KATNIP: variants seen among roughly 807,000 people sequenced by gnomAD.
The protein encoded by KATNIP is katanin interacting protein, also known as katanin-interacting protein.
A neutral mutation model predicts 174.0 loss-of-function variants in KATNIP; 126 were observed. That is an observed-to-expected ratio of 0.72 (90% CI 0.63 to 0.84). KATNIP has a LOEUF of 0.84. Ranked by LOEUF, KATNIP falls within the 40% of genes least tolerant of loss-of-function variation. KATNIP has a pLI of 0.00. For synonymous variants in KATNIP, 810 were observed against 835.7 expected (o/e 0.97, Z 0.53); for missense variants, 1,958 against 2,109.7 (o/e 0.93, Z 1.41).
In KATNIP at chr16:27,778,922, C is replaced by T; in HGVS notation, c.*293C>T. The stretch of plus-strand genomic sequence containing the variant: ...GACCCAGCAAAGCAGGGCCCATGAC[C>T]ACTAGGGCCTGGGCTGACCCTGACT... On this transcript the variant is annotated 3_prime_UTR_variant, in exon 28 of 28. Transcript: ENST00000261588. The T allele has an allele frequency of 5.3e-6, 2 of 379,996 alleles. No individual in the cohort carries two copies. The highest frequency in any genetic ancestry group is 9.4e-6 in the Non-Finnish European group (2 of 212,458). The allele number at this position is 379,996 out of a possible 1,614,324, so 23.5% of individuals were successfully genotyped here. A position where few individuals can be genotyped will look rare whatever the true frequency, so the allele number is the denominator to read the frequency against.
At chr16:27,602,588 A>G (rs985673481) in intron 2 of KATNIP, among the ~76,000 whole-genome samples, 4 of 152,246 alleles carry the variant, frequency 2.6e-5, no homozygotes, top group African/African-American at 9.6e-5. Flanking sequence ...GACTTCAAAC[A>G]GAAACAGAGT....
intron 6 of KATNIP, among the ~76,000 whole-genome samples, chr16:27,659,727 A>G (rs2077410146): frequency 6.6e-6 from 1 of 152,142 alleles, no homozygotes; most frequent in Admixed American, 6.6e-5. Flanking sequence ...GTATGACTTG[A>G]AAAAATATGC....
chr16:27,724,175 C>G (rs547326578), intron 14 of KATNIP, among the ~76,000 whole-genome samples: 32 of 152,212 alleles, frequency 2.1e-4, no homozygotes, highest in African/African-American at 7.0e-4. Flanking sequence ...CCTCAGACCC[C>G]GGAATGCAGC....
intron 15 of KATNIP, among the ~76,000 whole-genome samples, chr16:27,745,943 G>T (rs948507242): frequency 2.7e-5 from 4 of 149,910 alleles, no homozygotes; most frequent in African/African-American, 7.4e-5. Flanking sequence ...TAAGAGCAAG[G>T]CTCAACTCCT....
Position 27,708,718 on chromosome 16 carries a change from T to G in KATNIP, c.1403T>G (p.Met468Arg), listed in dbSNP as rs760213051. 6.2e-7 allele frequency: 1 copy of G among 1,612,194 alleles called. No homozygotes were observed. Among genetic ancestry groups the G allele is most frequent in the Admixed American group, 1.7e-5 (1 of 59,854 alleles). The change falls in exon 13 of 28, where the codon ATG becomes AGG. Residue 468 changes from methionine to arginine, a missense_variant. Transcript: ENST00000261588. ...QVSDTEDKQR[M>R]RADEIKDAIY... The stretch of plus-strand genomic sequence containing the variant: ...CTCTTCTTTAAGGACAAACAGAGAA[T>G]GAGGGCAGACGAGATCAAAGATGCC...
chr16:27,646,697 G>A (rs1037403462), intron 5 of KATNIP, among the ~76,000 whole-genome samples: 1 of 152,224 alleles, frequency 6.6e-6, no homozygotes, highest in Non-Finnish European at 1.5e-5. Flanking sequence ...GGAACCTTGC[G>A]TGCCAGGTAC....
At chr16:27,551,932 G>T (rs187851071) in intron 1 of KATNIP, among the ~76,000 whole-genome samples, 1 of 151,984 alleles carries the variant, frequency 6.6e-6, no homozygotes, top group Admixed American at 6.6e-5. Context: ...GCCATGTGCA[G>T]TGCCTCACAC....
chr16:27,632,812 G>C (rs1336189245), intron 5 of KATNIP, among the ~76,000 whole-genome samples: 1 of 151,906 alleles, frequency 6.6e-6, no homozygotes, highest in African/African-American at 2.4e-5. Flanking sequence ...GTGCAGTGGT[G>C]TGATCTTGGC....
intron 5 of KATNIP, among the ~76,000 whole-genome samples, chr16:27,636,050 G>A (rs981322501): frequency 6.6e-6 from 1 of 152,096 alleles, no homozygotes; most frequent in Non-Finnish European, 1.5e-5. Context: ...CTACTGAGGA[G>A]GCTGAGACAG....
At chr16:27,660,000 T>G (rs866943907) in intron 6 of KATNIP, 2 of 984,942 alleles carry the variant, frequency 2.0e-6, no homozygotes, top group Middle Eastern at 5.2e-4. Context: ...TATATAACAT[T>G]ACGCCTCCTG....
rs1348418992 is a variant in KATNIP at position 27,637,941 on chromosome 16, C to T, written c.408+6779C>T. ...CAGGGCTACGTCTCTCTCCACCAAC[C>T]TTCCCCAGCCCCCGTCCTTGCACTT... On this transcript the variant is annotated intron_variant, in intron 5 of 27. Transcript: ENST00000261588. This position sits in a 1 kb window ranked among gnomAD's most constrained non-coding sequence, Gnocchi z 4.7. Among the ~76,000 whole-genome samples the T allele has an allele frequency of 1.3e-5, 2 of 152,228 alleles. No homozygotes were observed. The highest frequency in any genetic ancestry group is 2.9e-5 in the Non-Finnish European group (2 of 68,040).
chr16:27,621,248 A>G (rs1188225023), intron 3 of KATNIP, among the ~76,000 whole-genome samples: 1 of 151,886 alleles, frequency 6.6e-6, no homozygotes, highest in Non-Finnish European at 1.5e-5. Context: ...ATGCCACTGC[A>G]CTCCAGGCTG....
At chr16:27,646,682 G>T (rs1461120801) in intron 5 of KATNIP, among the ~76,000 whole-genome samples, 2 of 152,222 alleles carry the variant, frequency 1.3e-5, no homozygotes, top group African/African-American at 2.4e-5. Context: ...GTGGCCACAT[G>T]GTAGGGAACC....
Position 27,649,125 on chromosome 16 carries a change from A to G in KATNIP, c.540+390A>G, listed in dbSNP as rs145227645. On this transcript the variant is annotated intron_variant, in intron 6 of 27. Transcript: ENST00000261588. Reference sequence around the variant, plus strand: ...AAGCTGGGTAAGAGTTTGAGGGGCAAGTTGGTGAGGGCAGGCAGCAATTGC... The same window carrying G: ...AAGCTGGGTAAGAGTTTGAGGGGCAGGTTGGTGAGGGCAGGCAGCAATTGC... 5.9e-4 allele frequency among the ~76,000 whole-genome samples: 90 copies of G among 152,334 alleles called. 1 individual carries two copies. The East Asian group carries it at 0.016, about 27-fold the overall frequency.
chr16:27,577,607 A>C (rs1442361005), intron 2 of KATNIP, among the ~76,000 whole-genome samples: 2 of 152,114 alleles, frequency 1.3e-5, no homozygotes, highest in Non-Finnish European at 2.9e-5. Context: ...CAGGAGAATC[A>C]CTTGAACTCA....
chr16:27,587,960 G>A (rs1481377451), intron 2 of KATNIP, among the ~76,000 whole-genome samples: 1 of 147,420 alleles, frequency 6.8e-6, no homozygotes, highest in Non-Finnish European at 1.5e-5. Context: ...TTGTCACCCA[G>A]GCTGGTGTGC....
At chr16:27,584,667 T>C (rs761329353) in intron 2 of KATNIP, among the ~76,000 whole-genome samples, 1 of 151,986 alleles carries the variant, frequency 6.6e-6, no homozygotes, top group Non-Finnish European at 1.5e-5. Flanking sequence ...GGTGGGTGCC[T>C]GTAATCCCAG....
At chr16:27,626,964 C>CA (rs1195795602) in intron 3 of KATNIP, among the ~76,000 whole-genome samples, 2,523 of 92,426 alleles carry the variant, frequency 0.027, 47 homozygotes, top group East Asian at 0.088. Flanking sequence ...GACTCCGTCT[C>CA]AAAAAAAAAA....
At chr16:27,588,258 C>G (rs1253733649) in intron 2 of KATNIP, among the ~76,000 whole-genome samples, 2 of 151,836 alleles carry the variant, frequency 1.3e-5, no homozygotes, top group Non-Finnish European at 2.9e-5. Flanking sequence ...ATGAAAAATG[C>G]CTACTTTGCA....
Sources: gnomAD v4.1 joint callset for allele counts (sites outside exome capture counted in the v4.1 genomes callset) on GRCh38, gnomAD v4.1.1 for gene constraint, Gnocchi (gnomAD v3.1) non-coding constraint, MANE v1.5 for transcripts, NCBI Gene and HGNC (gene_info 2026-07-23, HGNC 2026-07-21) for gene names.